Variants in CACNB1 observed in about 807,000 individuals in gnomAD.
CACNB1 encodes calcium voltage-gated channel auxiliary subunit beta 1.
In CACNB1, 29 loss-of-function variants were observed where a neutral mutation model predicts 71.6. The ratio of observed to expected loss-of-function variants is 0.40; its 90% CI spans 0.30 to 0.55. The LOEUF (loss-of-function observed/expected upper bound fraction) is 0.55, where lower values mean the gene tolerates loss of function less well. CACNB1 is among the 20% of genes least tolerant of loss of function. The probability of loss-of-function intolerance (pLI) is 0.38; values close to 1 mark genes in which losing one functional copy is unlikely to be tolerated. For missense variants in CACNB1, 623 were observed against 801.8 expected, an observed-to-expected ratio of 0.78 and a Z score of 2.69; for synonymous variants, 300 against 319.6, an observed-to-expected ratio of 0.94 and a Z score of 0.65.
At chr17:39,178,195 T>C (rs2045639000) in intron 11 of CACNB1, 116 bp from the exon 12 acceptor site, 1 of 773,060 alleles carries the variant, frequency 1.3e-6, no homozygotes, top group Non-Finnish European at 2.3e-6. Context: ...GACCCTTGAA[T>C]GCTCCATAAC....
rs1042549364 is a variant in CACNB1, at chr17:39,174,620, G to A, written c.*573C>T. 1.3e-5 allele frequency: 2 copies of A among 153,166 alleles called. No individual in the cohort carries two copies. Among genetic ancestry groups the A allele is most frequent in the Non-Finnish European group, 2.9e-5 (2 of 68,822 alleles). The allele number at this position is 153,166 out of a possible 1,614,324, so 9.5% of individuals were successfully genotyped here. On this transcript the variant is annotated 3_prime_UTR_variant, in exon 14 of 14. Transcript: ENST00000394303. ...CTGTATGCCTGCCAGCTTCCACCCA[G>A]AACCCTCCCCAAGACAAGCTCCCCA...
intron 11 of CACNB1, among the ~76,000 whole-genome samples, chr17:39,180,757 T>A (rs2045735724): frequency 6.6e-6 from 1 of 152,138 alleles, no homozygotes; most frequent in Non-Finnish European, 1.5e-5. Context: ...TTTTATTTTT[T>A]AATAGAGACA....
chr17:39,176,162 T>C (rs1299215552), intron 13 of CACNB1, among the ~76,000 whole-genome samples: 4 of 152,180 alleles, frequency 2.6e-5, no homozygotes, highest in African/African-American at 9.7e-5. Flanking sequence ...CACCATTCCC[T>C]AGTCGGATGA....
At chr17:39,184,930 T>A in intron 7 of CACNB1, 66 bp from the exon 8 acceptor site, 1 of 1,215,022 alleles carries the variant, frequency 8.2e-7, no homozygotes, top group East Asian at 2.3e-5. Flanking sequence ...TCCCCCAGAC[T>A]CCAGGCTCCC....
Position 39,187,744 on chromosome 17 carries a change from T to C in CACNB1, c.292-143A>G, listed in dbSNP as rs528990929. 1.0e-3 allele frequency: 1,024 copies of C among 989,496 alleles called. 8 individuals are homozygous for C. Among genetic ancestry groups the C allele is most frequent in the Non-Finnish European group, 7.6e-5 (50 of 657,618 alleles). 61.3% of individuals were successfully genotyped at this position (989,496 alleles called of 1,614,324 possible). A position where few individuals can be genotyped will look rare whatever the true frequency, so the allele number is the denominator to read the frequency against. On this transcript the variant is annotated intron_variant, in intron 3 of 13. Transcript: ENST00000394303. ...GTGTATGGACATGGGCAGGGTGTGG[T>C]GGCTCACACCTGTATTTCCAGCACG...
At chr17:39,180,612 A>G (rs946714420) in intron 11 of CACNB1, among the ~76,000 whole-genome samples, 2 of 151,870 alleles carry the variant, frequency 1.3e-5, no homozygotes, top group African/African-American at 4.8e-5. Flanking sequence ...CCAATATTGT[A>G]CCACTGCACT....
At chr17:39,180,225 G>A (rs1174093070) in intron 11 of CACNB1, among the ~76,000 whole-genome samples, 1 of 151,230 alleles carries the variant, frequency 6.6e-6, no homozygotes, top group Non-Finnish European at 1.5e-5. Flanking sequence ...TCGCATCACT[G>A]CACTCCAGCC....
Position 39,175,145 on chromosome 17 carries a change from C to A in CACNB1, c.*48G>T. On this transcript the variant is annotated 3_prime_UTR_variant, in exon 14 of 14. Transcript: ENST00000394303. This position sits in a 1 kb window ranked among gnomAD's most constrained non-coding sequence, Gnocchi z 4.7. ...CAGGTGTGAGCCCCTCGCTCCCTCC[C>A]CTCCCCTGGGCTCAGAGCCCTTCCT... 7.5e-6 allele frequency: 11 copies of A among 1,470,994 alleles called. No individual in the cohort carries two copies. Among genetic ancestry groups the A allele is most frequent in the African/African-American group, 1.4e-5 (1 of 71,536 alleles). The allele number at this position is 1,470,994 out of a possible 1,614,324, so 91.1% of individuals were successfully genotyped here. A position where few individuals can be genotyped will look rare whatever the true frequency, so the allele number is the denominator to read the frequency against.
In CACNB1 at chr17:39,186,010, A is replaced by G. The variant is rs1487387769; in HGVS notation, c.628+486T>C. ...GCGGGGTGGTGACACTGCTAACACT[A>G]GTCTTGGCAGAGCCACTCTGCTCAC... On this transcript the variant is annotated intron_variant, in intron 6 of 13. Transcript: ENST00000394303. The surrounding 1 kb of genome is among the most constrained non-coding windows in gnomAD (Gnocchi z 4.1). 2 of 1,613,916 alleles carry G rather than the reference A, an allele frequency of 1.2e-6. No homozygotes were observed. Among genetic ancestry groups the G allele is most frequent in the Admixed American group, 1.7e-5 (1 of 59,998 alleles).
At chr17:39,185,238 A>G (rs1003764047) in intron 6 of CACNB1, 88 bp from the exon 7 acceptor site, 1 of 1,001,342 alleles carries the variant, frequency 1.0e-6, no homozygotes, top group African/African-American at 1.6e-5. Flanking sequence ...AGGAGCCAGG[A>G]CAAGAGAGGG....
At chr17:39,193,980 A>T (rs2046150406) in intron 2 of CACNB1, 1 of 152,874 alleles carries the variant, frequency 6.5e-6, no homozygotes, top group Non-Finnish European at 1.5e-5. Context: ...TTAGTGGTGG[A>T]TCTGCCTGGC....
rs554752440 is a variant in CACNB1, at chr17:39,182,392, T to C, written c.1050+1321A>G. 1.1e-4 allele frequency among the ~76,000 whole-genome samples: 16 copies of C among 149,510 alleles called. No individual in the cohort carries two copies. The South Asian group carries it at 3.0e-3, about 28-fold the overall frequency. ...CATGGGATGATAATGGTTACCACTA[T>C]TGGCTGCCCTCATAAATCAGAGAGT... is the stretch of plus-strand genomic sequence containing the variant. On this transcript the variant is annotated intron_variant, in intron 11 of 13. Coordinates refer to ENST00000394303, the MANE Select transcript of CACNB1 (RefSeq NM_000723.5).
chr17:39,178,392 T>G, intron 11 of CACNB1: 1 of 212,834 alleles, frequency 4.7e-6, no homozygotes, highest in South Asian at 7.7e-5. Flanking sequence ...TTTGTTTTTT[T>G]TTTTTTAAAT....
Position 39,191,473 on chromosome 17 carries a change from C to T in CACNB1, c.291+1G>A. 1 of 1,601,764 alleles carries T rather than the reference C, an allele frequency of 6.2e-7. No individual in the cohort carries two copies. Among genetic ancestry groups the T allele is most frequent in the Non-Finnish European group, 8.5e-7 (1 of 1,176,024 alleles). ...ACAGCCCCTCCCCACATCTTTCTCA[C>T]CTTGGCCTTCTCGAGCTGCGCTAAT... On this transcript the variant is annotated splice_donor_variant, in intron 3 of 13. Coordinates refer to ENST00000394303, the MANE Select transcript of CACNB1 (RefSeq NM_000723.5). LOFTEE classifies it high-confidence loss of function.
intron 3 of CACNB1, among the ~76,000 whole-genome samples, chr17:39,189,447 G>C (rs1252964327): frequency 6.6e-6 from 1 of 152,054 alleles, no homozygotes; most frequent in Non-Finnish European, 1.5e-5. Flanking sequence ...ATACTGGCTT[G>C]AGGGAAGGAG....
At chr17:39,189,766 G>A (rs570256875) in intron 3 of CACNB1, among the ~76,000 whole-genome samples, 105 of 151,538 alleles carry the variant, frequency 6.9e-4, no homozygotes, top group African/African-American at 2.4e-3. Context: ...CCAAAGTGCC[G>A]GGATTACAGG....
In CACNB1 at chr17:39,184,855, C is replaced by T. The variant is rs1313038564; in HGVS notation, c.658G>A (p.Val220Met). ...GAAGGCACCACGTCATAGGGGGGCA[C>T]ATGCTCTGTCTGGGGGGGGAAGCAG... ...AKQKQKSTEH[V>M]PPYDVVPSMR... is the part of the protein sequence containing the mutation. Residue 220 changes from valine to methionine, a missense_variant, in exon 8 of 14, where the codon GTG becomes ATG. By Grantham distance (21) the Val-to-Met change is conservative. Coordinates refer to ENST00000394303, the MANE Select transcript of CACNB1 (RefSeq NM_000723.5). 6.2e-7 allele frequency: 1 copy of T among 1,601,536 alleles called. No homozygotes were observed. Among genetic ancestry groups the T allele is most frequent in the Non-Finnish European group, 8.6e-7 (1 of 1,168,962 alleles).
chr17:39,176,781 C>T (rs1204185317), intron 13 of CACNB1, among the ~76,000 whole-genome samples: 2 of 152,096 alleles, frequency 1.3e-5, no homozygotes, highest in Admixed American at 6.5e-5. Flanking sequence ...GAGGTCCTTT[C>T]CTGGACTTTA....
intron 9 of CACNB1, 24 bp from the exon 10 acceptor site, chr17:39,184,164 G>A (rs2144125184): frequency 6.7e-7 from 1 of 1,484,630 alleles, no homozygotes; most frequent in Non-Finnish European, 9.4e-7. Flanking sequence ...CAAGAGGGGA[G>A]TCAGGGGTCA....
Sources: gnomAD v4.1 joint callset for allele counts (sites outside exome capture counted in the v4.1 genomes callset) on GRCh38, gnomAD v4.1.1 for gene constraint, Gnocchi (gnomAD v3.1) non-coding constraint, MANE v1.5 for transcripts, NCBI Gene and HGNC (gene_info 2026-07-23, HGNC 2026-07-21) for gene names.